The following PCDHGA2 variants were observed in gnomAD, a reference collection of about 807,000 sequenced individuals.
PCDHGA2 encodes the protein protocadherin gamma subfamily A, 2, also known as protocadherin gamma-A2.
PCDHGA2 carries 40 observed loss-of-function variants against 59.2 expected under a neutral mutation model. The ratio of observed to expected loss-of-function variants is 0.68; its 90% CI spans 0.52 to 0.88. The LOEUF (loss-of-function observed/expected upper bound fraction) is 0.88. Among genes scored for constraint, PCDHGA2 ranks in the 40% least tolerant of loss-of-function variants. The pLI is 0.00. For missense variants in PCDHGA2, 1,226 were observed against 1,204.0 expected (o/e 1.02, Z -0.27); for synonymous variants, 560 against 526.0 (o/e 1.06, Z -0.89).
chr5:141,370,197 G>A (rs1766736161), intron 1 of PCDHGA2: 1 of 536,070 alleles, frequency 1.9e-6, no homozygotes, highest in Non-Finnish European at 3.2e-6. Flanking sequence ...CTAGTGCTGT[G>A]CAAAATATTG....
intron 1 of PCDHGA2, among the ~76,000 whole-genome samples, chr5:141,429,535 T>TG (rs1278730394): frequency 2.0e-5 from 3 of 152,168 alleles, no homozygotes; most frequent in Non-Finnish European, 4.4e-5. Flanking sequence ...CTTAAAAAAA[T>TG]AAGAACATGG....
chr5:141,351,877 C>T (rs932577945), intron 1 of PCDHGA2: 1 of 1,613,314 alleles, frequency 6.2e-7, no homozygotes, highest in Non-Finnish European at 8.5e-7. Context: ...CCGCGCTCAG[C>T]GCCAACGTGA....
intron 1 of PCDHGA2, among the ~76,000 whole-genome samples, chr5:141,479,979 T>C (rs67253891): frequency 0.061 from 9,352 of 152,266 alleles, 334 homozygotes; most frequent in South Asian, 0.12. Context: ...GTTCTACCAT[T>C]TACCAACTAG....
chr5:141,351,047 G>T (rs1183474541), intron 1 of PCDHGA2: 2 of 1,614,054 alleles, frequency 1.2e-6, no homozygotes, highest in Admixed American at 3.3e-5. Flanking sequence ...GCGGGTGATG[G>T]CCACAGACCA....
At chr5:141,401,098 C>T (rs1589430206) in intron 1 of PCDHGA2, among the ~76,000 whole-genome samples, 1 of 152,110 alleles carries the variant, frequency 6.6e-6, no homozygotes, top group East Asian at 1.9e-4. Context: ...AATCCCAGCA[C>T]TTTGGGAGGC....
At chr5:141,356,543 A>G (rs1760251301) in intron 1 of PCDHGA2, 2 of 1,614,090 alleles carry the variant, frequency 1.2e-6, no homozygotes, top group Non-Finnish European at 1.7e-6. Context: ...ATCAATGACA[A>G]CCCACCCACT....
In PCDHGA2 at chr5:141,341,291, A is replaced by T; in HGVS notation, c.2320A>T (p.Asn774Tyr). 6.2e-7 allele frequency: 1 copy of T among 1,614,230 alleles called. No homozygotes were observed. Reference sequence around the variant, plus strand: ...GAGCCACCTGATTTTCCCCCAGCCCAACTATGCGGACACGCTCATCAGCCA... The same window carrying T: ...GAGCCACCTGATTTTCCCCCAGCCCTACTATGCGGACACGCTCATCAGCCA... ...RKSHLIFPQP[N>Y]YADTLISQES... The change falls in exon 1 of 4, where the codon AAC becomes TAC. Residue 774 changes from asparagine to tyrosine, a missense_variant. Physicochemically the swap from Asn to Tyr is moderately radical, Grantham distance 143. Coordinates refer to ENST00000394576, the MANE Select transcript of PCDHGA2 (RefSeq NM_018915.4).
rs749347013 is a variant in PCDHGA2, at chr5:141,476,739, C to G, written c.2425-18068C>G. 6.2e-7 allele frequency: 1 copy of G among 1,614,068 alleles called. No individual in the cohort carries two copies. Among genetic ancestry groups the G allele is most frequent in the South Asian group, 1.1e-5 (1 of 91,088 alleles). On this transcript the variant is annotated intron_variant, in intron 1 of 3. Transcript: ENST00000394576. The surrounding 1 kb of genome is among the most constrained non-coding windows in gnomAD (Gnocchi z 7.6). Reference sequence around the variant, plus strand: ...CGCGCCCTGGACCGAGAACGGGAGCCTAGTCTCCAGTTAGTGCTGACGGCG... The same window carrying G: ...CGCGCCCTGGACCGAGAACGGGAGCGTAGTCTCCAGTTAGTGCTGACGGCG...
Position 141,345,486 on chromosome 5 carries a change from G to A in PCDHGA2, c.2424+4091G>A, listed in dbSNP as rs773154186. On this transcript the variant is annotated intron_variant, in intron 1 of 3. Transcript: ENST00000394576. ...CCAGGACCCAGATAGCAACAACAAC[G>A]CCCGCATCACTTATGCATTGACCGA... 3.7e-6 allele frequency: 6 copies of A among 1,613,890 alleles called. No individual in the cohort carries two copies. The Admixed American group carries it at 6.7e-5, about 18-fold the overall frequency.
At chr5:141,400,161 T>A (rs1271912348) in intron 1 of PCDHGA2, 1 of 1,614,084 alleles carries the variant, frequency 6.2e-7, no homozygotes, top group South Asian at 1.1e-5. Flanking sequence ...CTGTACCCTC[T>A]GACCCCCAGG....
At chr5:141,346,619 A>T in intron 1 of PCDHGA2, 1 of 1,069,508 alleles carries the variant, frequency 9.4e-7, no homozygotes, top group Non-Finnish European at 1.3e-6. Context: ...GTAGGACTGC[A>T]CTCCCCGGTC....
intron 1 of PCDHGA2, chr5:141,419,071 A>G: frequency 6.2e-7 from 1 of 1,614,006 alleles, no homozygotes; most frequent in South Asian, 1.1e-5. Flanking sequence ...ACTACAAGCT[A>G]GTAACAGATG....
intron 1 of PCDHGA2, chr5:141,415,152 C>T (rs758450562): frequency 6.2e-7 from 1 of 1,613,812 alleles, no homozygotes; most frequent in Admixed American, 1.7e-5. Context: ...CCCCTCTCTC[C>T]GCCACTGTCA....
chr5:141,482,245 G>A (rs72790067), intron 1 of PCDHGA2, among the ~76,000 whole-genome samples: 74 of 152,252 alleles, frequency 4.9e-4, no homozygotes, highest in Non-Finnish European at 7.9e-4. Flanking sequence ...TATAAGTATA[G>A]TACTGTACAT....
Position 141,432,849 on chromosome 5 carries a change from T to G in PCDHGA2, c.2425-61958T>G. The G allele has an allele frequency of 1.2e-6, 2 of 1,614,194 alleles. No homozygotes were observed. The highest frequency in any genetic ancestry group is 2.2e-5 in the South Asian group (2 of 91,092). ...CTCACTCTGTACCTGGTGGTAGCGG[T>G]GGCCGCGGTCTCCTGCGTCTTCCTG... On this transcript the variant is annotated intron_variant, in intron 1 of 3. Coordinates refer to ENST00000394576, the MANE Select transcript of PCDHGA2 (RefSeq NM_018915.4). This position sits in a 1 kb window ranked among gnomAD's most constrained non-coding sequence, Gnocchi z 6.0.
At chr5:141,454,941 G>A (rs2098807517) in intron 1 of PCDHGA2, among the ~76,000 whole-genome samples, 1 of 150,970 alleles carries the variant, frequency 6.6e-6, no homozygotes, top group Non-Finnish European at 1.5e-5. Flanking sequence ...CCGAGTAGCT[G>A]GGACTACAGG....
chr5:141,450,831 T>TATTA (rs761717068), intron 1 of PCDHGA2, among the ~76,000 whole-genome samples: 2 of 144,580 alleles, frequency 1.4e-5, no homozygotes, highest in South Asian at 2.2e-4. Flanking sequence ...TTATTATTAT[T>TATTA]TTTTTTTTTT....
In PCDHGA2 at chr5:141,500,954, C is replaced by T. The variant is rs536993707; in HGVS notation, c.2484-4439C>T. On this transcript the variant is annotated intron_variant, in intron 2 of 3. Coordinates refer to ENST00000394576, the MANE Select transcript of PCDHGA2 (RefSeq NM_018915.4). Reference sequence around the variant, plus strand: ...CGCCATCTCGGCTCACTGCAAGCTCCACCTCCTGGGTTCAAGCAATTCTCC... The same window carrying T: ...CGCCATCTCGGCTCACTGCAAGCTCTACCTCCTGGGTTCAAGCAATTCTCC... Among the ~76,000 whole-genome samples the T allele has an allele frequency of 2.4e-3, 358 of 152,060 alleles. 1 individual carries two copies. The highest frequency in any genetic ancestry group is 4.1e-3 in the Admixed American group (63 of 15,282).
chr5:141,485,152 A>T lies in PCDHGA2; in HGVS notation c.2425-9655A>T. 1.3e-6 allele frequency: 2 copies of T among 1,586,090 alleles called. No homozygotes were observed. Among genetic ancestry groups the T allele is most frequent in the Non-Finnish European group, 8.6e-7 (1 of 1,157,176 alleles). ...CTTCATCCGCGTCTCAGGAGCAAGT[A>T]GAGAATTAGCGGGCGGCAGCAATGC... On this transcript the variant is annotated intron_variant, in intron 1 of 3. Coordinates refer to ENST00000394576, the MANE Select transcript of PCDHGA2 (RefSeq NM_018915.4). This position sits in a 1 kb window ranked among gnomAD's most constrained non-coding sequence, Gnocchi z 5.7.
Sources: allele counts gnomAD v4.1 joint callset (sites outside exome capture counted in the v4.1 genomes callset), GRCh38; gene constraint gnomAD v4.1.1; non-coding constraint Gnocchi (gnomAD v3.1); transcripts MANE v1.5; gene names NCBI Gene and HGNC (gene_info 2026-07-23, HGNC 2026-07-21).